KYAT3: variants seen among roughly 807,000 people sequenced by gnomAD.
The protein encoded by KYAT3 is kynurenine--oxoglutarate transaminase 3.
In KYAT3, 50 loss-of-function variants were observed where a neutral mutation model predicts 59.0. That is an observed-to-expected ratio of 0.85 (90% CI 0.68 to 1.07). The LOEUF (loss-of-function observed/expected upper bound fraction) is 1.07. Among genes scored for constraint, KYAT3 ranks in the 50% least tolerant of loss-of-function variants. The pLI is 0.00. For synonymous variants in KYAT3, 148 were observed against 177.0 expected (o/e 0.84, Z 1.30); for missense variants, 497 against 533.3 (o/e 0.93, Z 0.67).
chr1:88,950,068 A>T (rs1284732581), intron 10 of KYAT3, among the ~76,000 whole-genome samples: 1 of 152,158 alleles, frequency 6.6e-6, no homozygotes. Flanking sequence ...TCCACCATGT[A>T]AGGACACAGC....
chr1:88,974,080 T>C (rs979388461), intron 2 of KYAT3, among the ~76,000 whole-genome samples: 21 of 152,172 alleles, frequency 1.4e-4, no homozygotes, highest in African/African-American at 5.1e-4. Flanking sequence ...AAATAGGAAA[T>C]GCAAAGCTCA....
At position 88,968,700 on chromosome 1, in the gene KYAT3, G is replaced by A. The variant is rs145328215; in HGVS notation, c.273C>T (p.Ile91=). 47 of 1,592,300 alleles carry A rather than the reference G, an allele frequency of 3.0e-5. No individual in the cohort carries two copies. Among genetic ancestry groups the A allele is most frequent in the Non-Finnish European group, 3.9e-5 (46 of 1,173,960 alleles). ...VKEELSKIAA[I]DSLNQYTRGF... ...CTCGTGTATACTGATTCAGGCTATC[G>A]ATTGCTGCAATCTTTGATAATTCTT... The change falls in exon 4 of 14, where the codon ATC becomes ATT. Residue 91 remains isoleucine, a synonymous_variant. Transcript: ENST00000260508.
At position 88,936,252 on chromosome 1, in the gene KYAT3, A is replaced by G. The variant is rs942413285; in HGVS notation, c.1303-7T>C. ...CATCCAGTGTGCTGTCTTTCTGTAA[A>G]TTAATGAAATAATCATCATTATTAC... On this transcript the variant is annotated splice_polypyrimidine_tract_variant and splice_region_variant and intron_variant, in intron 13 of 13. Transcript: ENST00000260508. The G allele has an allele frequency of 1.3e-6, 2 of 1,585,944 alleles. No homozygotes were observed. The highest frequency in any genetic ancestry group is 1.7e-6 in the Non-Finnish European group (2 of 1,156,502).
At chr1:88,988,424 T>TGTA in intron 1 of KYAT3, 73 bp from the exon 2 acceptor site, 1 of 815,634 alleles carries the variant, frequency 1.2e-6, no homozygotes, top group Non-Finnish European at 2.0e-6. Flanking sequence ...CACTTACAGC[T>TGTA]AGCTGATGTA....
At chr1:88,934,280 C>T (rs1393448756), downstream of KYAT3, among the ~76,000 whole-genome samples, 10 of 151,972 alleles carry the variant, frequency 6.6e-5, no homozygotes, top group Admixed American at 5.9e-4. Flanking sequence ...CATGGTGAAA[C>T]CTGTCTCTAC....
chr1:88,927,980 C>G, the KYAT3 span, among the ~76,000 whole-genome samples: 1 of 152,190 alleles, frequency 6.6e-6, no homozygotes, highest in African/African-American at 2.4e-5. Flanking sequence ...CACAGGCCAG[C>G]AGGCAGTTCC....
chr1:88,930,638 A>T, the KYAT3 span, among the ~76,000 whole-genome samples: 1 of 152,342 alleles, frequency 6.6e-6, no homozygotes, highest in East Asian at 1.9e-4. Flanking sequence ...AATAGCCCTC[A>T]CTTGGGCACT....
intron 10 of KYAT3, among the ~76,000 whole-genome samples, chr1:88,951,257 G>A (rs188687316): frequency 1.0e-4 from 15 of 145,086 alleles, no homozygotes; most frequent in Admixed American, 6.9e-4. Flanking sequence ...TTTTTGAGAC[G>A]AAGTCTTGCT....
In KYAT3 at chr1:88,955,166, T is replaced by C. The variant is rs769758817; in HGVS notation, c.847A>G (p.Ser283Gly). 1.2e-6 allele frequency: 2 copies of C among 1,610,030 alleles called. No individual in the cohort carries two copies. Among genetic ancestry groups the C allele is most frequent in the African/African-American group, 2.7e-5 (2 of 74,862 alleles). ...ITIGSAGKTF[S>G]VTGWKLGWSI... Reference sequence around the variant, plus strand: ...CATCTTACCTTCCAGCCAGTTACACTGAAAGTCTTTCCAGCACTTCCTATT... The same window carrying C: ...CATCTTACCTTCCAGCCAGTTACACCGAAAGTCTTTCCAGCACTTCCTATT... The change falls in exon 9 of 14, where the codon AGT (serine) becomes GGT (glycine). Residue 283 changes from serine to glycine, a missense_variant. This residue lies in a region of KYAT3 where 469 missense variants were observed against 479.1 expected (regional missense o/e 0.98). Coordinates refer to ENST00000260508, the MANE Select transcript of KYAT3 (RefSeq NM_001008661.3).
chr1:88,972,406 T>C (rs1676587769), intron 2 of KYAT3, among the ~76,000 whole-genome samples: 1 of 152,218 alleles, frequency 6.6e-6, no homozygotes, highest in Admixed American at 6.5e-5. Flanking sequence ...GTCCAACATA[T>C]AGTTATGCCT....
Position 88,970,232 on chromosome 1 carries a change from C to T in KYAT3, c.100-765G>A, listed in dbSNP as rs113268110. ...TTTTAAAGCTACTCAGTAAGGGGTTCCATAATTATTGCTAACATTATTGAG... is the reference window on the plus strand; with the variant it reads ...TTTTAAAGCTACTCAGTAAGGGGTTTCATAATTATTGCTAACATTATTGAG... On this transcript the variant is annotated intron_variant, in intron 2 of 13. Coordinates refer to ENST00000260508, the MANE Select transcript of KYAT3 (RefSeq NM_001008661.3). 8.0e-4 allele frequency among the ~76,000 whole-genome samples: 122 copies of T among 152,188 alleles called. 1 individual carries two copies. The highest frequency in any genetic ancestry group is 2.7e-3 in the African/African-American group (112 of 41,528).
chr1:88,992,800 T>A (rs1056559009), upstream of KYAT3: 2 of 26,512 alleles, frequency 7.5e-5, no homozygotes, highest in Non-Finnish European at 1.5e-4. Flanking sequence ...GGGCGGGATT[T>A]GGGCAGTTCC....
intron 11 of KYAT3, among the ~76,000 whole-genome samples, chr1:88,948,558 C>A (rs1358338077): frequency 6.6e-6 from 1 of 152,132 alleles, no homozygotes; most frequent in East Asian, 1.9e-4. Flanking sequence ...CTTTCTAAAT[C>A]TTTTTACCTG....
chr1:88,983,001 G>C (rs1327389961), intron 2 of KYAT3: 2 of 1,613,254 alleles, frequency 1.2e-6, no homozygotes, highest in East Asian at 4.5e-5. Context: ...CCTCCACTTG[G>C]ATGATCTGAA....
At chr1:88,982,779 G>A in intron 2 of KYAT3, 1 of 1,613,940 alleles carries the variant, frequency 6.2e-7, no homozygotes. Context: ...TCTACAGAAG[G>A]GGGAAGCCCT....
At chr1:88,934,215 G>A (rs1166344044), downstream of KYAT3, among the ~76,000 whole-genome samples, 2 of 152,284 alleles carry the variant, frequency 1.3e-5, no homozygotes, top group South Asian at 2.1e-4. Flanking sequence ...AGCACTTTGG[G>A]AGGCTGAGGC....
rs953679223 is a variant in KYAT3, at chr1:88,979,291, G to T, written c.99+8961C>A. On this transcript the variant is annotated intron_variant, in intron 2 of 13. Coordinates refer to ENST00000260508, the MANE Select transcript of KYAT3 (RefSeq NM_001008661.3). ...ACAGAGTCACATCTCCCACCTTCATGGCCATAGAGGGACTGAGAGATGAAC... is the reference window on the plus strand; with the variant it reads ...ACAGAGTCACATCTCCCACCTTCATTGCCATAGAGGGACTGAGAGATGAAC... Among the ~76,000 whole-genome samples, 5 of 151,914 alleles carry T rather than the reference G, an allele frequency of 3.3e-5. No homozygotes were observed. The East Asian group carries it at 9.7e-4, about 29-fold the overall frequency.
chr1:88,989,513 C>A (rs1242127966), intron 1 of KYAT3, among the ~76,000 whole-genome samples: 1 of 152,126 alleles, frequency 6.6e-6, no homozygotes, highest in African/African-American at 2.4e-5. Context: ...CATAAAGATA[C>A]AATGGAATTT....
intron 11 of KYAT3, among the ~76,000 whole-genome samples, chr1:88,943,930 T>G (rs1675340223): frequency 6.6e-6 from 1 of 152,198 alleles, no homozygotes; most frequent in Non-Finnish European, 1.5e-5. Flanking sequence ...GTATATTTGT[T>G]GAATGGATAA....
Sources: allele counts gnomAD v4.1 joint callset (sites outside exome capture counted in the v4.1 genomes callset), GRCh38; gene constraint gnomAD v4.1.1; regional missense constraint gnomAD v4.1.1; transcripts MANE v1.5; gene names NCBI Gene and HGNC (gene_info 2026-07-23, HGNC 2026-07-21).